DYNC2LI1: variants seen among roughly 807,000 people sequenced by gnomAD.
DYNC2LI1 encodes dynein cytoplasmic 2 light intermediate chain 1.
A neutral mutation model predicts 51.9 loss-of-function variants in DYNC2LI1; 45 were observed. That is an observed-to-expected ratio of 0.87 (90% CI 0.68 to 1.11). The LOEUF is 1.11. Ranked by LOEUF, DYNC2LI1 falls within the 50% of genes most tolerant of loss-of-function variation. DYNC2LI1 has a pLI of 0.00. For synonymous variants in DYNC2LI1, 130 were observed against 137.8 expected (o/e 0.94, Z 0.40); for missense variants, 490 against 417.4 (o/e 1.17, Z -1.51).
chr2:43,788,673 A>T (rs1189555667), intron 4 of DYNC2LI1, among the ~76,000 whole-genome samples: 3 of 152,180 alleles, frequency 2.0e-5, no homozygotes, highest in African/African-American at 7.2e-5. Context: ...AGGCTGGAGT[A>T]CAGTGGCAGG....
At chr2:43,788,732 G>A (rs139652598) in intron 4 of DYNC2LI1, among the ~76,000 whole-genome samples, 2 of 152,172 alleles carry the variant, frequency 1.3e-5, no homozygotes, top group East Asian at 1.9e-4. Context: ...GAATCCTCCC[G>A]CATTAGCCTC....
chr2:43,803,443 T>C (rs80216587), intron 10 of DYNC2LI1, among the ~76,000 whole-genome samples: 3,118 of 152,310 alleles, frequency 0.02, 80 homozygotes, highest in African/African-American at 0.062. Context: ...AGTGTGATTC[T>C]ATTTATAAAA....
chr2:43,825,150 T>C, the DYNC2LI1 span: 1 of 1,117,624 alleles, frequency 8.9e-7, no homozygotes. Flanking sequence ...GGGAAATGCA[T>C]TTCCCATAAG....
chr2:43,812,957 A>G (rs754182377), downstream of DYNC2LI1: 1 of 645,604 alleles, frequency 1.5e-6, no homozygotes, highest in Non-Finnish European at 2.8e-6. Flanking sequence ...ATTGCATTCA[A>G]GGCCTGCTTG....
At chr2:43,804,619 T>C in intron 10 of DYNC2LI1, 23 bp from the exon 11 acceptor site, 1 of 1,450,090 alleles carries the variant, frequency 6.9e-7, no homozygotes, top group Non-Finnish European at 9.5e-7. Context: ...TGCAGTCATT[T>C]GTGGTAAAAC....
intron 2 of DYNC2LI1, among the ~76,000 whole-genome samples, chr2:43,782,011 A>ATGTGTGTGTGTGTGTGTGTGTGTGTG (rs72178749): frequency 2.7e-5 from 4 of 148,650 alleles, no homozygotes; most frequent in African/African-American, 7.4e-5. Flanking sequence ...GTTTCTGTCT[A>ATGTGTGTGTGTGTGTGTGTGTGTGTG]TGTGTGTGTG....
chr2:43,776,648 C>A, intron 1 of DYNC2LI1, 134 bp from the exon 2 acceptor site: 1 of 528,316 alleles, frequency 1.9e-6, no homozygotes, highest in Non-Finnish European at 3.4e-6. Context: ...GATGTTTTAC[C>A]AGATTATTGT....
Position 43,774,052 on chromosome 2 carries a change from C to A in DYNC2LI1, c.-87C>A, listed in dbSNP as rs1672894139. 2.5e-6 allele frequency: 4 copies of A among 1,588,362 alleles called. 1 individual carries two copies. The highest frequency in any genetic ancestry group is 2.7e-5 in the African/African-American group (2 of 74,244). On this transcript the variant is annotated 5_prime_UTR_variant, in exon 1 of 13. Coordinates refer to ENST00000260605, the MANE Select transcript of DYNC2LI1 (RefSeq NM_016008.4). ...CCATGGCAACCCAGAAGGCCTCACT[C>A]CCAGACTCCTTGCGGAGCTCGCCGC...
At chr2:43,815,762 C>T in the DYNC2LI1 span, among the ~76,000 whole-genome samples, 1 of 152,070 alleles carries the variant, frequency 6.6e-6, no homozygotes, top group Non-Finnish European at 1.5e-5. Flanking sequence ...GAACAATAGC[C>T]AGCAACAGCC....
intron 2 of DYNC2LI1, among the ~76,000 whole-genome samples, chr2:43,779,080 ACCCAGTCTC>A (rs966747674): frequency 1.3e-5 from 2 of 151,904 alleles, no homozygotes; most frequent in Non-Finnish European, 2.9e-5. Context: ...ACGTGGCAAA[ACCCAGTCTC>A]CCCCCAAAAA....
chr2:43,826,072 C>A, the DYNC2LI1 span, among the ~76,000 whole-genome samples: 1 of 152,138 alleles, frequency 6.6e-6, no homozygotes, highest in Non-Finnish European at 1.5e-5. Context: ...ACCTACTGGG[C>A]TCAAGCGATC....
At chr2:43,795,846 CAAT>C (rs763580270) in intron 6 of DYNC2LI1, 41 bp from the exon 7 acceptor site, 1 of 1,463,836 alleles carries the variant, frequency 6.8e-7, no homozygotes, top group African/African-American at 1.4e-5. Context: ...AAGCACCTAG[CAAT>C]AAAGAATTAC....
chr2:43,779,592 C>G (rs1673182352), intron 2 of DYNC2LI1, among the ~76,000 whole-genome samples: 1 of 152,170 alleles, frequency 6.6e-6, no homozygotes, highest in South Asian at 2.1e-4. Context: ...TGGTGGAAAA[C>G]AGAGAGGGCA....
chr2:43,802,686 A>G (rs1422795392), intron 10 of DYNC2LI1, among the ~76,000 whole-genome samples: 2 of 152,154 alleles, frequency 1.3e-5, no homozygotes, highest in Non-Finnish European at 2.9e-5. Context: ...TGGCGCCTAG[A>G]TCTCATCGGA....
intron 5 of DYNC2LI1, among the ~76,000 whole-genome samples, chr2:43,790,614 A>G (rs576702237): frequency 8.5e-5 from 13 of 152,066 alleles, no homozygotes; most frequent in African/African-American, 2.7e-4. Context: ...ATATGCGCTT[A>G]CAGAAAACTT....
At chr2:43,782,981 C>G (rs1403614867) in intron 2 of DYNC2LI1, among the ~76,000 whole-genome samples, 4 of 151,604 alleles carry the variant, frequency 2.6e-5, no homozygotes, top group Non-Finnish European at 1.5e-5. Context: ...GACTCTGTCT[C>G]AAAAATAAAA....
Position 43,804,651 on chromosome 2 carries a change from C to T in DYNC2LI1, c.812C>T (p.Pro271Leu), listed in dbSNP as rs1054060891. ...LDSFGQIGSP[P>L]VPENDIGKLH... Reference sequence around the variant, plus strand: ...AAACTTGCTATTTTAGGATCTCCTCCTGTTCCTGAAAATGACATTGGAAAG... The same window carrying T: ...AAACTTGCTATTTTAGGATCTCCTCTTGTTCCTGAAAATGACATTGGAAAG... The change falls in exon 11 of 13, where the codon CCT becomes CTT. Residue 271 changes from proline (P) to leucine (L), a missense_variant. By Grantham distance (98) the Pro-to-Leu change is moderately conservative. Transcript: ENST00000260605. 1 of 1,601,970 alleles carries T rather than the reference C, an allele frequency of 6.2e-7. No homozygotes were observed. The highest frequency in any genetic ancestry group is 8.5e-7 in the Non-Finnish European group (1 of 1,175,342).
At chr2:43,822,067 C>G in the DYNC2LI1 span, among the ~76,000 whole-genome samples, 1 of 152,104 alleles carries the variant, frequency 6.6e-6, no homozygotes, top group Admixed American at 6.6e-5. Context: ...TTTACCACAT[C>G]CTAAAATAAC....
intron 1 of DYNC2LI1, 140 bp downstream of exon 1, chr2:43,774,286 T>A: frequency 8.7e-7 from 1 of 1,144,328 alleles, no homozygotes; most frequent in Non-Finnish European, 1.3e-6. Flanking sequence ...GACCTAGGAA[T>A]CAGCCTTGAG....
Sources: gnomAD v4.1 joint callset for allele counts (sites outside exome capture counted in the v4.1 genomes callset) on GRCh38, gnomAD v4.1.1 for gene constraint, MANE v1.5 for transcripts, NCBI Gene and HGNC (gene_info 2026-07-23, HGNC 2026-07-21) for gene names.